HIVEP3: variants seen among roughly 807,000 people sequenced by gnomAD.
The protein encoded by HIVEP3 is transcription factor HIVEP3.
A neutral mutation model predicts 152.8 loss-of-function variants in HIVEP3; 49 were observed. The ratio of observed to expected loss-of-function variants is 0.32; its 90% CI spans 0.26 to 0.41. HIVEP3 has a LOEUF of 0.41. HIVEP3 is among the 10% of genes least tolerant of loss of function. The pLI is 1.00. For missense variants in HIVEP3, 2,790 were observed against 3,103.3 expected, an observed-to-expected ratio of 0.90 and a Z score of 2.40; for synonymous variants, 1,269 against 1,289.0, an observed-to-expected ratio of 0.98 and a Z score of 0.33.
At chr1:41,561,352 A>T (rs989883486) in intron 5 of HIVEP3, among the ~76,000 whole-genome samples, 8 of 152,178 alleles carry the variant, frequency 5.3e-5, no homozygotes, top group Non-Finnish European at 1.0e-4. Context: ...CTCCAGCTCC[A>T]CGGCTCACAC....
At chr1:41,866,818 T>C (rs1227341953) in intron 1 of HIVEP3, among the ~76,000 whole-genome samples, 1 of 152,204 alleles carries the variant, frequency 6.6e-6, no homozygotes, top group Non-Finnish European at 1.5e-5. Context: ...GCTCCTGGCA[T>C]GCTAAAGGTC....
chr1:41,599,656 T>C (rs2149123134), intron 3 of HIVEP3, among the ~76,000 whole-genome samples: 1 of 152,274 alleles, frequency 6.6e-6, no homozygotes. Flanking sequence ...AGAAGCTTCA[T>C]CACATTGGAT....
chr1:41,672,149 C>A (rs1645887129), intron 2 of HIVEP3, among the ~76,000 whole-genome samples: 1 of 152,154 alleles, frequency 6.6e-6, no homozygotes, highest in African/African-American at 2.4e-5. Context: ...CCTGGGAGAG[C>A]CACTTTCCCT....
intron 1 of HIVEP3, among the ~76,000 whole-genome samples, chr1:41,817,396 C>A (rs1465433656): frequency 1.3e-5 from 2 of 152,032 alleles, no homozygotes; most frequent in Non-Finnish European, 2.9e-5. Context: ...AAGGATGGGG[C>A]CGGATGGGGC....
intron 7 of HIVEP3, among the ~76,000 whole-genome samples, chr1:41,515,765 T>G (rs1642587333): frequency 6.6e-6 from 1 of 152,286 alleles, no homozygotes; most frequent in East Asian, 1.9e-4. Context: ...GGTTTCCTCA[T>G]CTGTAAACTG....
chr1:41,530,218 G>A, intron 5 of HIVEP3, among the ~76,000 whole-genome samples: 1 of 152,218 alleles, frequency 6.6e-6, no homozygotes, highest in Admixed American at 6.5e-5. Context: ...CCCCAGTGGG[G>A]GTCACCTTTC....
chr1:41,923,181 A>G (rs946284528), upstream of HIVEP3, among the ~76,000 whole-genome samples: 1 of 152,266 alleles, frequency 6.6e-6, no homozygotes, highest in Non-Finnish European at 1.5e-5. Flanking sequence ...TTAAGTAATA[A>G]AAACTGAATT....
chr1:41,525,280 A>G (rs1220769338), intron 5 of HIVEP3, among the ~76,000 whole-genome samples: 1 of 126,446 alleles, frequency 7.9e-6, no homozygotes, highest in Non-Finnish European at 1.8e-5. Context: ...AGTCCCAGAG[A>G]GGGAATGATG....
intron 2 of HIVEP3, among the ~76,000 whole-genome samples, chr1:41,644,518 GAAAC>G (rs1442547998): frequency 6.6e-6 from 1 of 152,076 alleles, no homozygotes; most frequent in East Asian, 1.9e-4. Flanking sequence ...CTAATTAAAG[GAAAC>G]AAACAGAGAG....
At chr1:42,035,471 C>T (rs1645636175) in intron 1 of HIVEP3, among the ~76,000 whole-genome samples, 1 of 152,228 alleles carries the variant, frequency 6.6e-6, no homozygotes, top group Non-Finnish European at 1.5e-5. Context: ...CAGGTCTCTG[C>T]CCTCTGCCTG....
chr1:41,673,100 C>G (rs1645902361), intron 2 of HIVEP3, among the ~76,000 whole-genome samples: 1 of 152,184 alleles, frequency 6.6e-6, no homozygotes, highest in African/African-American at 2.4e-5. Flanking sequence ...GGTCCCCCTG[C>G]CCCCTCCCCA....
chr1:41,901,340 T>G (rs761931664), intron 1 of HIVEP3, among the ~76,000 whole-genome samples: 2 of 152,014 alleles, frequency 1.3e-5, no homozygotes, highest in Admixed American at 6.6e-5. Context: ...GGGGCTGCAT[T>G]TACAATCAGT....
chr1:41,696,004 C>G (rs1172326699), intron 2 of HIVEP3, among the ~76,000 whole-genome samples: 1 of 152,186 alleles, frequency 6.6e-6, no homozygotes, highest in African/African-American at 2.4e-5. Flanking sequence ...AAATGACTTC[C>G]CCATCTCAAC....
chr1:42,030,900 T>C (rs375037747), intron 1 of HIVEP3, among the ~76,000 whole-genome samples: 2 of 152,176 alleles, frequency 1.3e-5, no homozygotes, highest in Non-Finnish European at 2.9e-5. Context: ...AAATTTTACA[T>C]AATGAAAAAG....
intron 1 of HIVEP3, among the ~76,000 whole-genome samples, chr1:41,742,521 A>C (rs1384064941): frequency 6.6e-6 from 1 of 152,218 alleles, no homozygotes; most frequent in African/African-American, 2.4e-5. Context: ...CAAGTCTCCC[A>C]GTGACTATCT....
chr1:41,985,162 C>T (rs983747784), intron 1 of HIVEP3, among the ~76,000 whole-genome samples: 47 of 152,004 alleles, frequency 3.1e-4, no homozygotes, highest in Non-Finnish European at 6.3e-4. Context: ...GTTACGGGCA[C>T]GTGAACTATG....
At chr1:41,676,390 TG>T (rs1326874774) in intron 2 of HIVEP3, among the ~76,000 whole-genome samples, 4 of 152,066 alleles carry the variant, frequency 2.6e-5, no homozygotes, top group African/African-American at 9.7e-5. Context: ...TGGGTGAGGC[TG>T]GGGATGGCGG....
chr1:41,599,278 C>T (rs1206025983), intron 3 of HIVEP3, among the ~76,000 whole-genome samples: 1 of 152,026 alleles, frequency 6.6e-6, no homozygotes, highest in Non-Finnish European at 1.5e-5. Flanking sequence ...AAATGATAGG[C>T]CTGAATACAA....
intron 1 of HIVEP3, among the ~76,000 whole-genome samples, chr1:42,016,502 C>A (rs1204664453): frequency 6.6e-6 from 1 of 151,484 alleles, no homozygotes; most frequent in African/African-American, 2.4e-5. Flanking sequence ...CTCAGTAATC[C>A]CCCGAGAGAG....
Sources: allele counts gnomAD v4.1 joint callset (sites outside exome capture counted in the v4.1 genomes callset), GRCh38; gene constraint gnomAD v4.1.1; transcripts MANE v1.5; gene names NCBI Gene and HGNC (gene_info 2026-07-23, HGNC 2026-07-21).